The following UTRN variants were observed in gnomAD, a reference collection of about 807,000 sequenced individuals.
UTRN encodes the protein utrophin, also known as dystrophin-related protein 1.
Under a neutral mutation model 463.9 loss-of-function variants are expected in UTRN, and 283 were observed. The ratio of observed to expected loss-of-function variants is 0.61; its 90% CI spans 0.55 to 0.67. UTRN has a LOEUF of 0.67. UTRN is among the 30% of genes least tolerant of loss of function. The pLI, the probability that UTRN is intolerant of heterozygous loss-of-function variation, is 0.00. For synonymous variants in UTRN, 1,442 were observed against 1,431.5 expected (o/e 1.01, Z -0.17); for missense variants, 3,922 against 4,084.3 (o/e 0.96, Z 1.08).
intron 69 of UTRN, among the ~76,000 whole-genome samples, chr6:144,833,485 C>A (rs138586406): frequency 2.6e-5 from 4 of 152,226 alleles, no homozygotes; most frequent in African/African-American, 9.6e-5. Flanking sequence ...GAATGTGCTT[C>A]TTTTGTTATT....
intron 65 of UTRN, among the ~76,000 whole-genome samples, chr6:144,808,441 TA>T (rs1778335332): frequency 6.6e-6 from 1 of 152,156 alleles, no homozygotes; most frequent in Non-Finnish European, 1.5e-5. Flanking sequence ...AGATCTTCTT[TA>T]AAATCATCTT....
intron 2 of UTRN, among the ~76,000 whole-genome samples, chr6:144,293,791 C>G (rs1308180100): frequency 6.6e-6 from 1 of 152,072 alleles, no homozygotes; most frequent in Non-Finnish European, 1.5e-5. Flanking sequence ...TACTCTAGCA[C>G]ATCTGAACAG....
chr6:144,437,054 G>A (rs554042933), intron 10 of UTRN, among the ~76,000 whole-genome samples: 1 of 151,552 alleles, frequency 6.6e-6, no homozygotes, highest in Admixed American at 6.6e-5. Flanking sequence ...CTGGCTTCAA[G>A]TGATTCTCCT....
chr6:144,831,541 C>T (rs948517854), intron 69 of UTRN, among the ~76,000 whole-genome samples: 1 of 152,118 alleles, frequency 6.6e-6, no homozygotes, highest in African/African-American at 2.4e-5. Flanking sequence ...AGCTGACATC[C>T]AGAAAGATAA....
intron 51 of UTRN, among the ~76,000 whole-genome samples, chr6:144,610,828 T>C (rs912598712): frequency 2.0e-5 from 3 of 152,158 alleles, no homozygotes; most frequent in Non-Finnish European, 2.9e-5. Context: ...TGAGCCGAGA[T>C]TGCACCATTG....
intron 41 of UTRN, among the ~76,000 whole-genome samples, chr6:144,530,067 T>C (rs149546104): frequency 6.6e-6 from 1 of 152,240 alleles, no homozygotes; most frequent in Non-Finnish European, 1.5e-5. Flanking sequence ...TTGCTGTATT[T>C]AGGTAAATGG....
At chr6:144,491,127 A>T (rs1385063514) in intron 32 of UTRN, 25 bp downstream of exon 32, 1 of 1,572,406 alleles carries the variant, frequency 6.4e-7, no homozygotes, top group South Asian at 1.2e-5. Context: ...TGATTGGCAC[A>T]TCCAGTGGCT....
chr6:144,556,130 A>G (rs1353754149), intron 49 of UTRN, among the ~76,000 whole-genome samples: 3 of 152,230 alleles, frequency 2.0e-5, no homozygotes, highest in Admixed American at 6.5e-5. Flanking sequence ...GTGAGGTTAT[A>G]GTTTGGTATA....
At chr6:144,492,657 T>C (rs1037677271) in intron 32 of UTRN, among the ~76,000 whole-genome samples, 1 of 152,242 alleles carries the variant, frequency 6.6e-6, no homozygotes, top group Admixed American at 6.5e-5. Context: ...GTGTTCCCTT[T>C]TCTCTGCAGC....
chr6:144,342,342 T>TAC (rs55809792), intron 2 of UTRN, among the ~76,000 whole-genome samples: 5,610 of 138,256 alleles, frequency 0.041, 136 homozygotes, highest in Middle Eastern at 0.11. Flanking sequence ...GGTACACACA[T>TAC]ACACACACAC....
At chr6:144,611,912 G>A (rs1006050012) in intron 51 of UTRN, among the ~76,000 whole-genome samples, 1 of 152,032 alleles carries the variant, frequency 6.6e-6, no homozygotes, top group Non-Finnish European at 1.5e-5. Flanking sequence ...TCTGGAGCAA[G>A]CAAACAAACA....
intron 54 of UTRN, among the ~76,000 whole-genome samples, chr6:144,732,790 G>T (rs1234439358): frequency 1.3e-5 from 2 of 151,956 alleles, no homozygotes; most frequent in Admixed American, 1.3e-4. Context: ...ACGGCCCACT[G>T]CACATCAACG....
chr6:144,463,876 T>C (rs554308069), intron 23 of UTRN, among the ~76,000 whole-genome samples: 8 of 151,484 alleles, frequency 5.3e-5, no homozygotes, highest in Non-Finnish European at 1.2e-4. Context: ...GATATATATC[T>C]ATATATATAG....
At chr6:144,745,770 A>G (rs1172936718) in intron 54 of UTRN, among the ~76,000 whole-genome samples, 1 of 152,144 alleles carries the variant, frequency 6.6e-6, no homozygotes, top group Non-Finnish European at 1.5e-5. Context: ...AAATTACCAT[A>G]ATTAAGTTGT....
chr6:144,447,267 A>G lies in UTRN; in HGVS notation c.1671A>G (p.Thr557=). The G allele has an allele frequency of 6.2e-7, 1 of 1,614,026 alleles. No homozygotes were observed. Among genetic ancestry groups the G allele is most frequent in the South Asian group, 1.1e-5 (1 of 91,062 alleles). ...AAGAGGCTTTAAATAAAGTCCAGAC[A>G]AGCAACTTCAAAGACCAAAAGGAAC... The part of the protein sequence containing the change: ...EKEEALNKVQ[T]SNFKDQKELS... The change falls in exon 15 of 75, where the codon ACA becomes ACG. Residue 557 remains threonine (T), a synonymous_variant. Transcript: ENST00000367545.
At position 144,660,110 on chromosome 6, in the gene UTRN, G is replaced by A. The variant is rs1779719163; in HGVS notation, c.7480-18296G>A. Reference sequence around the variant, plus strand: ...ATAGCTCAAGGGCAAGGCTTGTAAAGGATTTTACAAAGGATTTTAAAGTAT... The same window carrying A: ...ATAGCTCAAGGGCAAGGCTTGTAAAAGATTTTACAAAGGATTTTAAAGTAT... On this transcript the variant is annotated intron_variant, in intron 51 of 74. Transcript: ENST00000367545. The A allele has an allele frequency of 3.4e-5, 15 of 439,324 alleles. 1 individual carries two copies. The highest frequency in any genetic ancestry group is 2.5e-4 in the South Asian group (15 of 60,442). The allele number at this position is 439,324 out of a possible 1,614,324, so 27.2% of individuals were successfully genotyped here.
intron 62 of UTRN, among the ~76,000 whole-genome samples, chr6:144,793,562 T>C (rs1776947521): frequency 6.6e-6 from 1 of 152,236 alleles, no homozygotes; most frequent in Non-Finnish European, 1.5e-5. Context: ...ATTTATATTA[T>C]ATATGCATGA....
chr6:144,625,057 C>T (rs1775808773), intron 51 of UTRN, among the ~76,000 whole-genome samples: 1 of 152,120 alleles, frequency 6.6e-6, no homozygotes. Context: ...GAAATTAAGG[C>T]ACTCTAATGG....
intron 51 of UTRN, among the ~76,000 whole-genome samples, chr6:144,614,364 G>GA (rs1805845425): frequency 6.6e-6 from 1 of 152,028 alleles, no homozygotes; most frequent in African/African-American, 2.4e-5. Context: ...CAAATCATAG[G>GA]AAAAAATACA....
Sources: allele counts gnomAD v4.1 joint callset (sites outside exome capture counted in the v4.1 genomes callset), GRCh38; gene constraint gnomAD v4.1.1; transcripts MANE v1.5; gene names NCBI Gene and HGNC (gene_info 2026-07-23, HGNC 2026-07-21).